Variants in NOS1AP observed in about 807,000 individuals in gnomAD.
NOS1AP encodes carboxyl-terminal PDZ ligand of neuronal nitric oxide synthase protein.
In NOS1AP, 21 loss-of-function variants were observed where a neutral mutation model predicts 56.2. That is an observed-to-expected ratio of 0.37 (90% CI 0.26 to 0.54). NOS1AP has a LOEUF of 0.54. Among genes scored for constraint, NOS1AP ranks in the 20% least tolerant of loss-of-function variants. NOS1AP has a pLI of 0.84. For missense variants in NOS1AP, 522 were observed against 657.8 expected, an observed-to-expected ratio of 0.79 and a Z score of 2.26; for synonymous variants, 270 against 274.6, an observed-to-expected ratio of 0.98 and a Z score of 0.17.
intron 4 of NOS1AP, among the ~76,000 whole-genome samples, chr1:162,326,300 G>A (rs1311100478): frequency 6.6e-6 from 1 of 152,134 alleles, no homozygotes; most frequent in Non-Finnish European, 1.5e-5. Flanking sequence ...AACCTTGCAG[G>A]TGACTGGAGA....
intron 6 of NOS1AP, among the ~76,000 whole-genome samples, chr1:162,345,566 A>C (rs1657265442): frequency 6.6e-6 from 1 of 152,194 alleles, no homozygotes; most frequent in African/African-American, 2.4e-5. Context: ...ACAGATGACA[A>C]ATCATGAAAG....
At chr1:162,287,694 A>ACCCC (rs530465271) in intron 3 of NOS1AP, among the ~76,000 whole-genome samples, 3 of 151,322 alleles carry the variant, frequency 2.0e-5, no homozygotes, top group Non-Finnish European at 4.4e-5. Flanking sequence ...CATGCCTTCA[A>ACCCC]CCCCCCTCCC....
At chr1:162,159,534 T>C (rs1405724286) in intron 2 of NOS1AP, among the ~76,000 whole-genome samples, 1 of 152,134 alleles carries the variant, frequency 6.6e-6, no homozygotes, top group African/African-American at 2.4e-5. Context: ...TCTAGCCCCT[T>C]TTAATAGCTA....
intron 1 of NOS1AP, among the ~76,000 whole-genome samples, chr1:162,098,167 C>T (rs866190378): frequency 9.1e-5 from 12 of 132,516 alleles, no homozygotes; most frequent in African/African-American, 2.3e-4. Context: ...AGTGCAGTAG[C>T]GGGGTCTCAG....
At chr1:162,269,013 A>G (rs994388939) in intron 2 of NOS1AP, among the ~76,000 whole-genome samples, 8 of 152,230 alleles carry the variant, frequency 5.3e-5, no homozygotes, top group Non-Finnish European at 8.8e-5. Context: ...GACCCACTGA[A>G]TAATCACCAC....
chr1:162,215,546 G>C (rs1019150296), intron 2 of NOS1AP, among the ~76,000 whole-genome samples: 2 of 152,206 alleles, frequency 1.3e-5, no homozygotes, highest in African/African-American at 2.4e-5. Flanking sequence ...CAGTCTGAGT[G>C]GCAGGCACTG....
At chr1:162,082,205 T>A (rs554428578) in intron 1 of NOS1AP, among the ~76,000 whole-genome samples, 1 of 151,830 alleles carries the variant, frequency 6.6e-6, no homozygotes, top group African/African-American at 2.4e-5. Context: ...TTTTTTTTGT[T>A]CCTGCATTAG....
intron 1 of NOS1AP, among the ~76,000 whole-genome samples, chr1:162,140,253 C>G (rs1649181029): frequency 6.6e-6 from 1 of 152,196 alleles, no homozygotes; most frequent in African/African-American, 2.4e-5. Context: ...TGTATTCATT[C>G]AAGGTCCTCC....
chr1:162,341,814 G>A (rs535774633), intron 5 of NOS1AP, among the ~76,000 whole-genome samples: 3 of 152,336 alleles, frequency 2.0e-5, no homozygotes, highest in Non-Finnish European at 4.4e-5. Flanking sequence ...TCACCTGAGA[G>A]TTAAGCTTCC....
At chr1:162,320,011 A>C (rs1016684316) in intron 4 of NOS1AP, among the ~76,000 whole-genome samples, 1 of 152,100 alleles carries the variant, frequency 6.6e-6, no homozygotes, top group African/African-American at 2.4e-5. Context: ...AGCTGGCTGC[A>C]TCCTCCTCCG....
intron 3 of NOS1AP, among the ~76,000 whole-genome samples, chr1:162,289,612 C>T (rs933243188): frequency 2.0e-5 from 3 of 150,292 alleles, no homozygotes; most frequent in Admixed American, 2.0e-4. Context: ...GTAGCTGGGA[C>T]TACAGGCGCC....
chr1:162,314,784 C>A (rs1656178667), intron 4 of NOS1AP, among the ~76,000 whole-genome samples: 1 of 152,148 alleles, frequency 6.6e-6, no homozygotes, highest in Admixed American at 6.5e-5. Context: ...CAGAGTCCTG[C>A]ATGTTTATGA....
chr1:162,164,268 AGGGACCCTTT>A (rs948064875), intron 2 of NOS1AP, among the ~76,000 whole-genome samples: 4 of 152,158 alleles, frequency 2.6e-5, no homozygotes, highest in Non-Finnish European at 5.9e-5. Context: ...ACCACCCTTT[AGGGACCCTTT>A]GGTTCATGTT....
chr1:162,332,595 T>C (rs1656808140), intron 4 of NOS1AP, among the ~76,000 whole-genome samples: 1 of 152,146 alleles, frequency 6.6e-6, no homozygotes, highest in Admixed American at 6.5e-5. Context: ...GTGGTAAACA[T>C]TGCTGGTTCC....
intron 2 of NOS1AP, among the ~76,000 whole-genome samples, chr1:162,155,902 T>G (rs986147070): frequency 5.3e-5 from 8 of 152,324 alleles, no homozygotes; most frequent in Non-Finnish European, 7.3e-5. Flanking sequence ...TTAGAATAAT[T>G]GTTCTGTAGA....
intron 2 of NOS1AP, among the ~76,000 whole-genome samples, chr1:162,258,127 C>T (rs145127196): frequency 6.6e-5 from 10 of 152,224 alleles, no homozygotes; most frequent in African/African-American, 2.4e-4. Flanking sequence ...CACAAGTGCT[C>T]GCTGCTCAGT....
intron 6 of NOS1AP, among the ~76,000 whole-genome samples, chr1:162,352,433 T>TC (rs200909724): frequency 6.6e-6 from 1 of 151,816 alleles, no homozygotes; most frequent in African/African-American, 2.4e-5. Context: ...TTTTTTTTTT[T>TC]CTGACATTCC....
At chr1:162,309,389 C>G (rs193223958) in intron 4 of NOS1AP, among the ~76,000 whole-genome samples, 2 of 152,180 alleles carry the variant, frequency 1.3e-5, no homozygotes, top group Non-Finnish European at 2.9e-5. Context: ...AAATATATTG[C>G]CTACAAAGAA....
intron 3 of NOS1AP, among the ~76,000 whole-genome samples, chr1:162,299,799 A>G (rs904819282): frequency 2.0e-5 from 3 of 151,838 alleles, no homozygotes; most frequent in African/African-American, 7.3e-5. Context: ...CATACGTAGT[A>G]TGGTATTTGG....
Sources: gnomAD v4.1 joint callset for allele counts (sites outside exome capture counted in the v4.1 genomes callset) on GRCh38, gnomAD v4.1.1 for gene constraint, MANE v1.5 for transcripts, NCBI Gene and HGNC (gene_info 2026-07-23, HGNC 2026-07-21) for gene names.